CAMK1D: variants seen among roughly 807,000 people sequenced by gnomAD.
The protein encoded by CAMK1D is calcium/calmodulin-dependent protein kinase type 1D.
A neutral mutation model predicts 47.7 loss-of-function variants in CAMK1D; 9 were observed. The observed-to-expected ratio is 0.19, with a 90% CI of 0.11 to 0.33. The LOEUF (loss-of-function observed/expected upper bound fraction) is 0.33, where lower values mean the gene tolerates loss of function less well. CAMK1D is among the 10% of genes least tolerant of loss of function. The pLI is 1.00. For missense variants in CAMK1D, 291 were observed against 488.7 expected, an observed-to-expected ratio of 0.60 and a Z score of 3.81; for synonymous variants, 184 against 184.9, an observed-to-expected ratio of 0.99 and a Z score of 0.04.
intron 2 of CAMK1D, among the ~76,000 whole-genome samples, chr10:12,593,648 A>T (rs1838060950): frequency 6.6e-6 from 1 of 151,802 alleles, no homozygotes; most frequent in South Asian, 2.1e-4. Context: ...CATCCCTTTA[A>T]CCAAAAACCA....
At chr10:12,734,401 TATATAC>T (rs1269155745) in intron 3 of CAMK1D, among the ~76,000 whole-genome samples, 3 of 31,200 alleles carry the variant, frequency 9.6e-5, no homozygotes, top group African/African-American at 2.9e-4. Context: ...GATATATATA[TATATAC>T]ACACACACAC....
intron 5 of CAMK1D, among the ~76,000 whole-genome samples, chr10:12,788,448 C>T (rs537103275): frequency 1.3e-5 from 2 of 152,330 alleles, no homozygotes; most frequent in African/African-American, 2.4e-5. Flanking sequence ...AGCGCCTCCA[C>T]CCCCTAACTT....
chr10:12,611,588 C>CTTTTTTTTTTTTTTTTTTTT lies in CAMK1D; in HGVS notation c.225-55146_225-55127dup, dbSNP rs71386105. ...CAGTTCCCTGAATGTTTCAGAATGC[C>CTTTTTTTTTTTTTTTTTTTT]TTTTTTTTTTTTTTTTTTTTTGAGA... On this transcript the variant is annotated intron_variant, in intron 2 of 10. Coordinates refer to ENST00000619168, the MANE Select transcript of CAMK1D (RefSeq NM_153498.4). Among the ~76,000 whole-genome samples, 135 of 59,946 alleles carry CTTTTTTTTTTTTTTTTTTTT rather than the reference C, an allele frequency of 2.3e-3. 32 individuals are homozygous for CTTTTTTTTTTTTTTTTTTTT. Among genetic ancestry groups the CTTTTTTTTTTTTTTTTTTTT allele is most frequent in the Non-Finnish European group, 3.5e-3 (105 of 30,388 alleles). The allele number at this position is 59,946 out of a possible 152,430, so 39.3% of individuals were successfully genotyped here. A position where few individuals can be genotyped will look rare whatever the true frequency, so the allele number is the denominator to read the frequency against.
chr10:12,826,081 G>A (rs1833197557), intron 10 of CAMK1D: 1 of 206,142 alleles, frequency 4.9e-6, no homozygotes, highest in African/African-American at 2.3e-5. Context: ...AGGTTGCAAT[G>A]AGCTGAGATC....
In CAMK1D at chr10:12,812,201, C is replaced by T. The variant is rs147703047; in HGVS notation, c.642-1994C>T. 7.3e-3 allele frequency among the ~76,000 whole-genome samples: 1,107 copies of T among 152,364 alleles called. 14 individuals carry two copies. The highest frequency in any genetic ancestry group is 0.025 in the African/African-American group (1,056 of 41,590). On this transcript the variant is annotated intron_variant, in intron 6 of 10. Coordinates refer to ENST00000619168, the MANE Select transcript of CAMK1D (RefSeq NM_153498.4). The stretch of plus-strand genomic sequence containing the variant: ...CTTGTGTGCTGACAGCCTAATCCCT[C>T]GCAGTCCTGCGCTCTGTTGTTTCTT...
intron 1 of CAMK1D, among the ~76,000 whole-genome samples, chr10:12,443,791 G>A (rs1293012434): frequency 2.0e-5 from 3 of 151,962 alleles, no homozygotes; most frequent in African/African-American, 4.8e-5. Flanking sequence ...CACCATGCCC[G>A]GCTAATTTTT....
chr10:12,351,445 AG>A (rs1255211426), intron 1 of CAMK1D, among the ~76,000 whole-genome samples: 2 of 152,194 alleles, frequency 1.3e-5, no homozygotes, highest in Non-Finnish European at 2.9e-5. Flanking sequence ...GAGACAAGAA[AG>A]CATGGCCTTT....
intron 3 of CAMK1D, among the ~76,000 whole-genome samples, chr10:12,751,050 CAAT>C (rs1276205164): frequency 7.5e-6 from 1 of 132,542 alleles, no homozygotes; most frequent in African/African-American, 3.1e-5. Context: ...CCGTCTCCCC[CAAT>C]AAGATAAGAT....
intron 2 of CAMK1D, among the ~76,000 whole-genome samples, chr10:12,638,728 G>A (rs1471325523): frequency 6.6e-6 from 1 of 152,176 alleles, no homozygotes; most frequent in Non-Finnish European, 1.5e-5. Flanking sequence ...AGGGCTGGCC[G>A]ATTGCATCCC....
At chr10:12,799,668 T>C (rs1404200777) in intron 6 of CAMK1D, among the ~76,000 whole-genome samples, 1 of 152,190 alleles carries the variant, frequency 6.6e-6, no homozygotes, top group Non-Finnish European at 1.5e-5. Flanking sequence ...GTGCGCTCAG[T>C]TTCACTGTTA....
intron 1 of CAMK1D, among the ~76,000 whole-genome samples, chr10:12,489,238 T>C (rs1834306769): frequency 6.6e-6 from 1 of 152,160 alleles, no homozygotes; most frequent in African/African-American, 2.4e-5. Context: ...GTGCCTGGCC[T>C]GTGCGGCCTG....
intron 4 of CAMK1D, among the ~76,000 whole-genome samples, chr10:12,768,655 A>G (rs985326103): frequency 2.6e-5 from 4 of 151,968 alleles, no homozygotes; most frequent in Non-Finnish European, 5.9e-5. Context: ...CCCGTGATAA[A>G]TCGTCACCAT....
chr10:12,694,559 A>G (rs1833174526), intron 3 of CAMK1D, among the ~76,000 whole-genome samples: 1 of 78,092 alleles, frequency 1.3e-5, no homozygotes, highest in Admixed American at 1.6e-4. Context: ...ATTATATATA[A>G]AATATATAAT....
chr10:12,552,706 C>A (rs1247051776), intron 1 of CAMK1D, among the ~76,000 whole-genome samples: 1 of 152,162 alleles, frequency 6.6e-6, no homozygotes, highest in Non-Finnish European at 1.5e-5. Flanking sequence ...GCAGGAAGGC[C>A]TGCTTGCCCC....
At chr10:12,733,825 A>G (rs1211603024) in intron 3 of CAMK1D, among the ~76,000 whole-genome samples, 1 of 152,150 alleles carries the variant, frequency 6.6e-6, no homozygotes, top group Non-Finnish European at 1.5e-5. Context: ...TGTTCATTGT[A>G]TTGTAAATTT....
chr10:12,764,215 T>C (rs1310372841), intron 4 of CAMK1D, among the ~76,000 whole-genome samples: 3 of 152,012 alleles, frequency 2.0e-5, no homozygotes, highest in Non-Finnish European at 4.4e-5. Flanking sequence ...ACCCCATCTC[T>C]ACTAAAAATA....
chr10:12,408,284 C>A (rs1011919095), intron 1 of CAMK1D, among the ~76,000 whole-genome samples: 1 of 152,158 alleles, frequency 6.6e-6, no homozygotes, highest in African/African-American at 2.4e-5. Context: ...GCCTCAACCT[C>A]CCGAGTAGTT....
chr10:12,664,683 A>G (rs1564476279), intron 2 of CAMK1D, among the ~76,000 whole-genome samples: 2 of 152,246 alleles, frequency 1.3e-5, no homozygotes, highest in Non-Finnish European at 2.9e-5. Context: ...ACGTGAAAAT[A>G]CAGCATGCCC....
Position 12,683,033 on chromosome 10 carries a change from T to C in CAMK1D, c.299+16223T>C, listed in dbSNP as rs192978245. On this transcript the variant is annotated intron_variant, in intron 3 of 10. Transcript: ENST00000619168. ...GCCTCCCAGGTTCAGGCGATTCTCC[T>C]GCCTCAGCCTCCCGAGTAGCTGGGA... Among the ~76,000 whole-genome samples, 1,026 of 152,000 alleles carry C rather than the reference T, an allele frequency of 6.7e-3. 15 individuals are homozygous for C. Among genetic ancestry groups the C allele is most frequent in the African/African-American group, 0.024 (987 of 41,454 alleles).
Sources: gnomAD v4.1 joint callset for allele counts (sites outside exome capture counted in the v4.1 genomes callset) on GRCh38, gnomAD v4.1.1 for gene constraint, MANE v1.5 for transcripts, NCBI Gene and HGNC (gene_info 2026-07-23, HGNC 2026-07-21) for gene names.